The following NMNAT2 variants were observed in gnomAD, a reference collection of about 807,000 sequenced individuals.
NMNAT2 encodes nicotinamide/nicotinic acid mononucleotide adenylyltransferase 2.
In NMNAT2, 11 loss-of-function variants were observed where a neutral mutation model predicts 41.6. The ratio of observed to expected loss-of-function variants is 0.26; its 90% CI spans 0.17 to 0.44. The LOEUF (loss-of-function observed/expected upper bound fraction) is 0.44. Ranked by LOEUF, NMNAT2 falls within the 20% of genes least tolerant of loss-of-function variation. The pLI, the probability that NMNAT2 is intolerant of heterozygous loss-of-function variation, is 1.00. For synonymous variants in NMNAT2, 148 were observed against 151.2 expected, an observed-to-expected ratio of 0.98 and a Z score of 0.16; for missense variants, 288 against 407.7, an observed-to-expected ratio of 0.71 and a Z score of 2.53.
intron 8 of NMNAT2, among the ~76,000 whole-genome samples, chr1:183,267,624 A>G (rs1279484155): frequency 3.3e-5 from 5 of 152,072 alleles, no homozygotes; most frequent in Admixed American, 3.3e-4. Flanking sequence ...GGGGGGGTGT[A>G]AGGGCAGACA....
At chr1:183,295,861 T>C (rs1661676617) in intron 1 of NMNAT2, among the ~76,000 whole-genome samples, 2 of 152,202 alleles carry the variant, frequency 1.3e-5, no homozygotes, top group Admixed American at 1.3e-4. Flanking sequence ...TCTTTCTTTT[T>C]CTTTGAGAGG....
chr1:183,256,277 T>A (rs979944557), intron 10 of NMNAT2, among the ~76,000 whole-genome samples: 2 of 151,758 alleles, frequency 1.3e-5, no homozygotes, highest in Non-Finnish European at 2.9e-5. Flanking sequence ...GGCATGGTAG[T>A]GTGTGCCTGT....
rs202053421 is a variant in NMNAT2 at position 183,248,303 on chromosome 1, A to C, written c.*4338T>G. ...TTGCATAAAACTCTTGCCCATGACT[A>C]TTCTAGCAACAAAATTGTACTCAAA... On this transcript the variant is annotated 3_prime_UTR_variant, in exon 11 of 11. Transcript: ENST00000287713. The C allele has an allele frequency of 6.6e-6, 1 of 152,670 alleles. No individual in the cohort carries two copies. Among genetic ancestry groups the C allele is most frequent in the African/African-American group, 2.4e-5 (1 of 41,472 alleles). The allele number at this position is 152,670 out of a possible 1,614,324, so 9.5% of individuals were successfully genotyped here.
intron 1 of NMNAT2, among the ~76,000 whole-genome samples, chr1:183,377,887 A>G (rs115561880): frequency 0.014 from 2,207 of 152,332 alleles, 25 homozygotes; most frequent in Middle Eastern, 0.048. Context: ...TCAGATAGGT[A>G]ATTTTTTCAG....
Position 183,270,313 on chromosome 1 carries a change from G to C in NMNAT2, c.651+8240C>G, listed in dbSNP as rs182122603. The stretch of plus-strand genomic sequence containing the variant: ...TCACCCTTAGAGTATTATAATTTTA[G>C]TATACTTCTGGATGAGTTTAAAAAG... On this transcript the variant is annotated intron_variant, in intron 8 of 10. Transcript: ENST00000287713. Among the ~76,000 whole-genome samples, 629 of 152,210 alleles carry C rather than the reference G, an allele frequency of 4.1e-3. 5 individuals are homozygous for C. The highest frequency in any genetic ancestry group is 5.4e-3 in the Non-Finnish European group (364 of 68,018).
chr1:183,351,509 G>A (rs1663046534), intron 1 of NMNAT2, among the ~76,000 whole-genome samples: 1 of 152,140 alleles, frequency 6.6e-6, no homozygotes, highest in Admixed American at 6.5e-5. Flanking sequence ...ACCCATTCCT[G>A]GTCTATTTAC....
At chr1:183,336,994 A>G (rs867377956) in intron 1 of NMNAT2, among the ~76,000 whole-genome samples, 10 of 152,218 alleles carry the variant, frequency 6.6e-5, no homozygotes, top group South Asian at 6.2e-4. Context: ...CAAGAATGCA[A>G]AACTAATCTA....
In NMNAT2 at chr1:183,395,763, A is replaced by T. The variant is rs570316186; in HGVS notation, c.85+22420T>A. On this transcript the variant is annotated intron_variant, in intron 1 of 10. Transcript: ENST00000287713. ...GTTACACTTTTTACAGTGTATTGGG[A>T]GAGGGGAGGTTATTGAATAATAATC... Among the ~76,000 whole-genome samples, 4 of 152,264 alleles carry T rather than the reference A, an allele frequency of 2.6e-5. No homozygotes were observed. The South Asian group carries it at 8.3e-4, about 32-fold the overall frequency.
At chr1:183,403,714 A>G (rs569322992) in intron 1 of NMNAT2, among the ~76,000 whole-genome samples, 1 of 152,390 alleles carries the variant, frequency 6.6e-6, no homozygotes, top group Middle Eastern at 3.4e-3. Context: ...TAAACATTCC[A>G]CAAGGGGTTC....
intron 1 of NMNAT2, among the ~76,000 whole-genome samples, chr1:183,303,854 G>T (rs558937314): frequency 2.6e-5 from 4 of 152,314 alleles, no homozygotes; most frequent in African/African-American, 7.2e-5. Context: ...GTGGGCTGAG[G>T]CTCCCAATAA....
At chr1:183,371,090 G>A (rs948806772) in intron 1 of NMNAT2, among the ~76,000 whole-genome samples, 6 of 152,160 alleles carry the variant, frequency 3.9e-5, no homozygotes, top group African/African-American at 1.2e-4. Context: ...AAAAGGCCAG[G>A]GGCAGGAGTG....
At chr1:183,346,000 T>C (rs1391599506) in intron 1 of NMNAT2, among the ~76,000 whole-genome samples, 1 of 152,142 alleles carries the variant, frequency 6.6e-6, no homozygotes, top group Non-Finnish European at 1.5e-5. Flanking sequence ...TCCTTTTCTT[T>C]ATAAATTACC....
chr1:183,306,914 G>T (rs1662006311), intron 1 of NMNAT2, among the ~76,000 whole-genome samples: 1 of 152,156 alleles, frequency 6.6e-6, no homozygotes, highest in East Asian at 1.9e-4. Flanking sequence ...CTGGCTCACA[G>T]TGTTGTTAGA....
Position 183,362,814 on chromosome 1 carries a change from A to G in NMNAT2, c.85+55369T>C, listed in dbSNP as rs538201101. ...TATTGGTGGGACATATGGTAAGTCT[A>G]TGTTTAACTTTTTGAGAAACTGACA... On this transcript the variant is annotated intron_variant, in intron 1 of 10. Transcript: ENST00000287713. Among the ~76,000 whole-genome samples, 7 of 152,316 alleles carry G rather than the reference A, an allele frequency of 4.6e-5. No homozygotes were observed. In the South Asian group the frequency reaches 1.5e-3, roughly 32 times the overall value.
intron 4 of NMNAT2, among the ~76,000 whole-genome samples, chr1:183,289,741 C>T (rs951490109): frequency 5.9e-5 from 9 of 152,196 alleles, no homozygotes; most frequent in Non-Finnish European, 1.0e-4. Flanking sequence ...CTAAGTGCTT[C>T]TCTCTTCTCC....
Position 183,290,112 on chromosome 1 carries a change from G to C in NMNAT2, c.321+16C>G. On this transcript the variant is annotated intron_variant, in intron 4 of 10. Transcript: ENST00000287713. ...ACTCTGGTGGTTCACGCATCCCCAGGCTTGGCCCAGCTCACCTTCATGAGG... is the reference window on the plus strand; with the variant it reads ...ACTCTGGTGGTTCACGCATCCCCAGCCTTGGCCCAGCTCACCTTCATGAGG... 3 of 1,562,714 alleles carry C rather than the reference G, an allele frequency of 1.9e-6. No homozygotes were observed. Among genetic ancestry groups the C allele is most frequent in the Non-Finnish European group, 2.6e-6 (3 of 1,152,072 alleles).
In NMNAT2 at chr1:183,418,337, G is replaced by T; in HGVS notation, c.-70C>A. 1 of 1,480,630 alleles carries T rather than the reference G, an allele frequency of 6.8e-7. No individual in the cohort carries two copies. The highest frequency in any genetic ancestry group is 9.4e-7 in the Non-Finnish European group (1 of 1,060,210). 91.7% of individuals were successfully genotyped at this position (1,480,630 alleles called of 1,614,324 possible). The stretch of plus-strand genomic sequence containing the variant: ...TTTGTGTCTCGTTGTGTCTGCAGAG[G>T]GAGAAAGGAAGGCGAGGCTCCGGCG... On this transcript the variant is annotated 5_prime_UTR_variant, in exon 1 of 11. Coordinates refer to ENST00000287713, the MANE Select transcript of NMNAT2 (RefSeq NM_015039.4).
intron 1 of NMNAT2, among the ~76,000 whole-genome samples, chr1:183,335,190 C>T (rs1319157872): frequency 6.6e-6 from 1 of 152,124 alleles, no homozygotes; most frequent in Non-Finnish European, 1.5e-5. Context: ...ATAACAATTC[C>T]CCAAACAACT....
chr1:183,275,095 G>A (rs1661089728), intron 8 of NMNAT2, among the ~76,000 whole-genome samples: 1 of 152,164 alleles, frequency 6.6e-6, no homozygotes, highest in East Asian at 1.9e-4. Context: ...CAAAGGCTTG[G>A]ACAGGGAAGA....
Sources: gnomAD v4.1 joint callset for allele counts (sites outside exome capture counted in the v4.1 genomes callset) on GRCh38, gnomAD v4.1.1 for gene constraint, MANE v1.5 for transcripts, NCBI Gene and HGNC (gene_info 2026-07-23, HGNC 2026-07-21) for gene names.